Variants in AQR observed in about 807,000 individuals in gnomAD.
The protein encoded by AQR is RNA helicase aquarius.
A neutral mutation model predicts 180.5 loss-of-function variants in AQR; 61 were observed. The observed-to-expected ratio is 0.34, with a 90% confidence interval of 0.28 to 0.42. AQR has a LOEUF of 0.42. Ranked by LOEUF, AQR falls within the 10% of genes least tolerant of loss-of-function variation. The pLI is 1.00. For synonymous variants in AQR, 551 were observed against 588.8 expected, an observed-to-expected ratio of 0.94 and a Z score of 0.93; for missense variants, 1,281 against 1,798.3, an observed-to-expected ratio of 0.71 and a Z score of 5.20.
intron 26 of AQR, among the ~76,000 whole-genome samples, chr15:34,883,180 T>G (rs1307296368): frequency 6.6e-6 from 1 of 151,840 alleles, no homozygotes; most frequent in Non-Finnish European, 1.5e-5. Flanking sequence ...ATGAAAGAGA[T>G]GAAACCCAAG....
intron 13 of AQR, among the ~76,000 whole-genome samples, chr15:34,921,695 C>A (rs1223409560): frequency 6.6e-6 from 1 of 152,132 alleles, no homozygotes; most frequent in East Asian, 1.9e-4. Context: ...ATCCCTTATG[C>A]TAATTTATAG....
At chr15:34,904,301 G>T in intron 19 of AQR, 35 bp downstream of exon 19, 2 of 1,438,020 alleles carry the variant, frequency 1.4e-6, no homozygotes, top group South Asian at 2.9e-5. Flanking sequence ...CTTAAATTAT[G>T]ACATAGTACT....
At chr15:34,910,840 G>C (rs776946425) in intron 16 of AQR, among the ~76,000 whole-genome samples, 3 of 152,126 alleles carry the variant, frequency 2.0e-5, no homozygotes, top group African/African-American at 7.2e-5. Flanking sequence ...CAAGTTTCAA[G>C]TACATAAAAC....
rs1183224817 is a variant in AQR, at chr15:34,856,976, C to A, written c.4274G>T (p.Ser1425Ile). ...ADIIPSPTDT[S>I]CRQETPAFQT... Reference sequence around the variant, plus strand: ...AAAGGCTGGAGTTTCTTGACGGCAGCTGGTGTCTGTTGGACTGGGTATGAT... The same window carrying A: ...AAAGGCTGGAGTTTCTTGACGGCAGATGGTGTCTGTTGGACTGGGTATGAT... Residue 1425 changes from serine (S) to isoleucine (I), a missense_variant, in exon 35 of 35, where the codon AGC becomes ATC. This residue lies in a region of AQR where 182 missense variants were observed against 185.3 expected (regional missense o/e 0.98). Coordinates refer to ENST00000156471, the MANE Select transcript of AQR (RefSeq NM_014691.3). The A allele has an allele frequency of 6.2e-7, 1 of 1,614,124 alleles. No individual in the cohort carries two copies. The highest frequency in any genetic ancestry group is 8.5e-7 in the Non-Finnish European group (1 of 1,180,006).
chr15:34,897,085 A>G lies in AQR; in HGVS notation c.2391-119T>C, dbSNP rs1893257197. On this transcript the variant is annotated intron_variant, in intron 21 of 34. Transcript: ENST00000156471. ...CTCTGTATTTACCCCAGTTCTCTCA[A>G]TCTCTTCTGAATGACTCCCTTCACC... 12 of 738,818 alleles carry G rather than the reference A, an allele frequency of 1.6e-5. No homozygotes were observed. The East Asian group carries it at 2.2e-4, about 13-fold the overall frequency. 45.8% of individuals were successfully genotyped at this position (738,818 alleles called of 1,614,324 possible). A position where few individuals can be genotyped will look rare whatever the true frequency, so the allele number is the denominator to read the frequency against.
chr15:34,941,210 C>T (rs1566993859), intron 7 of AQR, among the ~76,000 whole-genome samples: 1 of 152,046 alleles, frequency 6.6e-6, no homozygotes, highest in Non-Finnish European at 1.5e-5. Context: ...AATAAAAATA[C>T]AAATCAAGAT....
intron 19 of AQR, among the ~76,000 whole-genome samples, chr15:34,902,774 T>C (rs892050195): frequency 1.5e-4 from 23 of 152,230 alleles, no homozygotes; most frequent in East Asian, 1.4e-3. Flanking sequence ...CTATAAAACT[T>C]GGAAACTCTT....
chr15:34,957,179 C>T (rs530365994), intron 3 of AQR, among the ~76,000 whole-genome samples: 17 of 151,798 alleles, frequency 1.1e-4, no homozygotes, highest in African/African-American at 4.1e-4. Flanking sequence ...TTTTTTCAGA[C>T]GGAGTCTTGC....
At chr15:34,918,717 C>CA (rs1893636142) in intron 14 of AQR, among the ~76,000 whole-genome samples, 1 of 152,212 alleles carries the variant, frequency 6.6e-6, no homozygotes, top group Middle Eastern at 3.2e-3. Flanking sequence ...GAAATAGTGT[C>CA]AAAGTCCCTG....
intron 26 of AQR, 147 bp downstream of exon 26, chr15:34,884,378 C>G (rs1893022833): frequency 1.5e-6 from 1 of 662,312 alleles, no homozygotes; most frequent in Non-Finnish European, 2.4e-6. Flanking sequence ...TGCACTCCAG[C>G]CTGGGCAACA....
intron 13 of AQR, among the ~76,000 whole-genome samples, chr15:34,923,289 C>A (rs1020366898): frequency 2.6e-5 from 4 of 152,114 alleles, no homozygotes; most frequent in Non-Finnish European, 4.4e-5. Flanking sequence ...TGGAACACAT[C>A]CCCTGCGGAA....
At position 34,908,419 on chromosome 15, in the gene AQR, G is replaced by A. The variant is rs57383142; in HGVS notation, c.1664-1707C>T. Among the ~76,000 whole-genome samples, 1,011 of 151,874 alleles carry A rather than the reference G, an allele frequency of 6.7e-3. 12 individuals are homozygous for A. The highest frequency in any genetic ancestry group is 0.023 in the African/African-American group (961 of 41,410). ...CCACTGCCCTCCAGACTGGGCGACA[G>A]AGTGAGACTCCGTCTAAAAAAAAAA... On this transcript the variant is annotated intron_variant, in intron 17 of 34. Transcript: ENST00000156471.
chr15:34,893,469 G>C (rs1893180815), intron 23 of AQR, among the ~76,000 whole-genome samples, 194 bp downstream of exon 23: 1 of 152,124 alleles, frequency 6.6e-6, no homozygotes, highest in Admixed American at 6.5e-5. Flanking sequence ...GAATATATTA[G>C]GGAACAGGTA....
chr15:34,922,077 G>C (rs1893692059), intron 13 of AQR, among the ~76,000 whole-genome samples: 1 of 152,170 alleles, frequency 6.6e-6, no homozygotes, highest in Non-Finnish European at 1.5e-5. Flanking sequence ...CTCCCAAAGT[G>C]CTGGGATTAC....
intron 32 of AQR, among the ~76,000 whole-genome samples, chr15:34,865,116 A>C (rs981715360): frequency 3.3e-5 from 5 of 152,208 alleles, no homozygotes; most frequent in African/African-American, 1.2e-4. Flanking sequence ...AAAGCAGGGC[A>C]ATATGGGCTA....
chr15:34,907,613 T>G (rs1893437524), intron 17 of AQR, among the ~76,000 whole-genome samples: 1 of 152,234 alleles, frequency 6.6e-6, no homozygotes, highest in Admixed American at 6.5e-5. Flanking sequence ...ATTGGGGGAC[T>G]GGTTAGAGTA....
At position 34,854,017 on chromosome 15, in the gene AQR, T is replaced by G. The variant is rs1273301101; in HGVS notation, c.*2775A>C. ...CCTATTTATGCCTTTTCTCTCAGCATCTAGCAAAACATCTCAACTTTTATT... is the reference window on the plus strand; with the variant it reads ...CCTATTTATGCCTTTTCTCTCAGCAGCTAGCAAAACATCTCAACTTTTATT... On this transcript the variant is annotated 3_prime_UTR_variant, in exon 35 of 35. Transcript: ENST00000156471. 1.3e-5 allele frequency: 2 copies of G among 152,186 alleles called. No individual in the cohort carries two copies. The highest frequency in any genetic ancestry group is 2.4e-5 in the African/African-American group (1 of 41,442). 9.4% of individuals were successfully genotyped at this position (152,186 alleles called of 1,614,324 possible).
Position 34,884,517 on chromosome 15 carries a change from A to G in AQR, c.3027+8T>C. On this transcript the variant is annotated splice_region_variant and intron_variant, in intron 26 of 34. Transcript: ENST00000156471. ...AAAGGGAAGTTCAAAGAACTTGAGA[A>G]TCCTTACCTCAAGCTGCGTAAAGAT... 6.4e-7 allele frequency: 1 copy of G among 1,567,900 alleles called. No individual in the cohort carries two copies. Among genetic ancestry groups the G allele is most frequent in the African/African-American group, 1.4e-5 (1 of 71,688 alleles).
chr15:34,926,384 T>C (rs1893764481), intron 13 of AQR, among the ~76,000 whole-genome samples: 1 of 152,106 alleles, frequency 6.6e-6, no homozygotes, highest in African/African-American at 2.4e-5. Context: ...GATGATACAG[T>C]ATAGTAGTTA....
Sources: gnomAD v4.1 joint callset for allele counts (sites outside exome capture counted in the v4.1 genomes callset) on GRCh38, gnomAD v4.1.1 for gene constraint, gnomAD v4.1.1 regional missense constraint, MANE v1.5 for transcripts, NCBI Gene and HGNC (gene_info 2026-07-23, HGNC 2026-07-21) for gene names.